The following NPAT variants were observed in gnomAD, a reference collection of about 807,000 sequenced individuals.
NPAT encodes the protein nuclear protein, coactivator of histone transcription, also known as protein NPAT.
NPAT carries 52 observed loss-of-function variants against 130.7 expected under a neutral mutation model. The ratio of observed to expected loss-of-function variants is 0.40; its 90% CI spans 0.32 to 0.50. The LOEUF is 0.50. Ranked by LOEUF, NPAT falls within the 20% of genes least tolerant of loss-of-function variation. NPAT has a pLI of 0.68. For synonymous variants in NPAT, 580 were observed against 584.8 expected, an observed-to-expected ratio of 0.99 and a Z score of 0.12; for missense variants, 1,687 against 1,662.6, an observed-to-expected ratio of 1.01 and a Z score of -0.26.
rs756519733 is a variant in NPAT, at chr11:108,172,919, G to A, written c.2065C>T (p.Pro689Ser). Residue 689 changes from proline to serine, a missense_variant, in exon 13 of 18, where the codon CCT becomes TCT. Pro to Ser is a moderately conservative substitution (Grantham distance 74). Coordinates refer to ENST00000278612, the MANE Select transcript of NPAT (RefSeq NM_002519.3). ...NANCEKVALT[P>S]PEGTPVENSH... ...TTTTCTACAGGAGTGCCTTCTGGAG[G>A]CGTCAGTGCAACTTTCTCACAGTTA... 6 of 1,614,086 alleles carry A rather than the reference G, an allele frequency of 3.7e-6. No homozygotes were observed. In the East Asian group the frequency reaches 8.9e-5, roughly 24 times the overall value.
chr11:108,212,167 T>C (rs1477961943), intron 1 of NPAT, among the ~76,000 whole-genome samples: 3 of 152,028 alleles, frequency 2.0e-5, no homozygotes, highest in Admixed American at 6.6e-5. Flanking sequence ...AGGTCTGTTC[T>C]TGTCATTTCT....
Position 108,183,126 on chromosome 11 carries a change from A to G in NPAT, c.906+2106T>C, listed in dbSNP as rs1294607204. Among the ~76,000 whole-genome samples the G allele has an allele frequency of 2.6e-5, 4 of 151,950 alleles. No homozygotes were observed. In the East Asian group the frequency reaches 5.8e-4, roughly 22 times the overall value. ...CTCCCGAGTAGTTGGGACAACAGGTACATGCAATAACACCTGGCTAATTAA... is the reference window on the plus strand; with the variant it reads ...CTCCCGAGTAGTTGGGACAACAGGTGCATGCAATAACACCTGGCTAATTAA... On this transcript the variant is annotated intron_variant, in intron 10 of 17. Transcript: ENST00000278612.
In NPAT at chr11:108,190,482, T is replaced by C; in HGVS notation, c.309A>G (p.Pro103=). ...AACCTCTCTGACTGCCAGCAAACCT[T>C]GGGGAACTTTGCATGCTCCTAACAA... ...LSQIRSMQSS[P]RFAGSQRART... The change falls in exon 5 of 18, where the codon CCA becomes CCG. Residue 103 remains proline, a synonymous_variant. Transcript: ENST00000278612. The C allele has an allele frequency of 6.2e-7, 1 of 1,613,968 alleles. No individual in the cohort carries two copies. Among genetic ancestry groups the C allele is most frequent in the Non-Finnish European group, 8.5e-7 (1 of 1,179,870 alleles).
intron 4 of NPAT, 148 bp downstream of exon 4, chr11:108,191,967 AGTC>A (rs1393674447): frequency 5.1e-5 from 33 of 641,216 alleles, no homozygotes; most frequent in Admixed American, 2.5e-5. Flanking sequence ...AAATTATGTC[AGTC>A]AGTAACCTCC....
At chr11:108,176,139 A>G (rs1295430366) in intron 12 of NPAT, 107 bp downstream of exon 12, 1 of 859,810 alleles carries the variant, frequency 1.2e-6, no homozygotes, top group South Asian at 1.5e-5. Context: ...AAAATGACCT[A>G]TAACAATCTG....
chr11:108,179,517 G>A (rs1276516966), intron 10 of NPAT, among the ~76,000 whole-genome samples: 1 of 152,192 alleles, frequency 6.6e-6, no homozygotes, highest in Non-Finnish European at 1.5e-5. Context: ...TGGGATTACA[G>A]GCGTGAGCCA....
At chr11:108,203,927 C>T (rs1591412931) in intron 1 of NPAT, among the ~76,000 whole-genome samples, 1 of 152,258 alleles carries the variant, frequency 6.6e-6, no homozygotes, top group East Asian at 1.9e-4. Flanking sequence ...ATTTAACCTC[C>T]TTGTAAAATT....
At chr11:108,206,860 G>A (rs1210123665) in intron 1 of NPAT, among the ~76,000 whole-genome samples, 2 of 152,194 alleles carry the variant, frequency 1.3e-5, no homozygotes, top group Non-Finnish European at 2.9e-5. Context: ...ACCTGCAGTG[G>A]GTAGCTCCTT....
intron 1 of NPAT, among the ~76,000 whole-genome samples, chr11:108,202,489 T>C (rs1178405202): frequency 6.6e-6 from 1 of 152,158 alleles, no homozygotes; most frequent in African/African-American, 2.4e-5. Flanking sequence ...TCGGGATGGC[T>C]GCAATCAGAG....
At chr11:108,170,600 A>T (rs957204939) in intron 13 of NPAT, among the ~76,000 whole-genome samples, 1 of 152,222 alleles carries the variant, frequency 6.6e-6, no homozygotes, top group Non-Finnish European at 1.5e-5. Context: ...GAAGTCAACA[A>T]CATAGTTTGT....
intron 1 of NPAT, among the ~76,000 whole-genome samples, chr11:108,203,605 A>G (rs673545): frequency 0.99 from 151,328 of 152,306 alleles, 75,180 homozygotes; most frequent in Middle Eastern, 1. Context: ...ACCTACCATG[A>G]ACATCCTCTT....
At chr11:108,199,458 G>T (rs1022994067) in intron 1 of NPAT, among the ~76,000 whole-genome samples, 1 of 152,246 alleles carries the variant, frequency 6.6e-6, no homozygotes, top group Non-Finnish European at 1.5e-5. Context: ...ACAGCATAGC[G>T]GCACTGAATG....
At chr11:108,205,229 T>TA (rs915444407) in intron 1 of NPAT, among the ~76,000 whole-genome samples, 3 of 152,198 alleles carry the variant, frequency 2.0e-5, no homozygotes, top group African/African-American at 7.2e-5. Context: ...AGAAAAAAGA[T>TA]AAAAAACTGA....
chr11:108,169,283 G>A (rs1012210479), intron 15 of NPAT, among the ~76,000 whole-genome samples: 3 of 152,190 alleles, frequency 2.0e-5, no homozygotes, highest in Admixed American at 6.5e-5. Flanking sequence ...AGTACCAGCA[G>A]CACTGGCATT....
At chr11:108,162,246 GA>G in intron 15 of NPAT, 66 bp from the exon 16 acceptor site, 1 of 1,416,976 alleles carries the variant, frequency 7.1e-7, no homozygotes, top group Non-Finnish European at 9.9e-7. Flanking sequence ...TAGAACAGAT[GA>G]CAATTATCAC....
intron 4 of NPAT, among the ~76,000 whole-genome samples, chr11:108,191,060 C>A (rs1020974956): frequency 2.0e-5 from 3 of 151,996 alleles, no homozygotes; most frequent in Non-Finnish European, 4.4e-5. Context: ...AGAGTGAGAC[C>A]CTACCTCTTA....
Position 108,172,599 on chromosome 11 carries a change from A to G in NPAT, c.2385T>C (p.Thr795=), listed in dbSNP as rs527971501. ...CTTCGGCATATACAACAGCACCTACAGTTTCTTCTGAAGATAGGCATTTAA... is the reference window on the plus strand; with the variant it reads ...CTTCGGCATATACAACAGCACCTACGGTTTCTTCTGAAGATAGGCATTTAA... ...ELVKCLSSEE[T]VGAVVYAEVG... The change falls in exon 13 of 18, where the codon ACT becomes ACC. Residue 795 remains threonine, a synonymous_variant. Coordinates refer to ENST00000278612, the MANE Select transcript of NPAT (RefSeq NM_002519.3). The G allele has an allele frequency of 6.2e-7, 1 of 1,614,226 alleles. No homozygotes were observed. The highest frequency in any genetic ancestry group is 2.2e-5 in the East Asian group (1 of 44,888).
chr11:108,196,157 T>C (rs765276294), intron 2 of NPAT, among the ~76,000 whole-genome samples: 1 of 152,224 alleles, frequency 6.6e-6, no homozygotes, highest in Non-Finnish European at 1.5e-5. Context: ...GTATGAGGTA[T>C]TTGTAGAGGT....
chr11:108,220,946 G>A (rs947752483), intron 1 of NPAT, among the ~76,000 whole-genome samples: 2 of 152,218 alleles, frequency 1.3e-5, no homozygotes, highest in Admixed American at 6.5e-5. Flanking sequence ...AAAATGGAAT[G>A]TGAATGACAA....
Sources: allele counts gnomAD v4.1 joint callset (sites outside exome capture counted in the v4.1 genomes callset), GRCh38; gene constraint gnomAD v4.1.1; transcripts MANE v1.5; gene names NCBI Gene and HGNC (gene_info 2026-07-23, HGNC 2026-07-21).